The following FAM81A variants were observed in gnomAD, a reference collection of about 807,000 sequenced individuals.
FAM81A encodes protein FAM81A.
A neutral mutation model predicts 46.7 loss-of-function variants in FAM81A; 19 were observed. The observed-to-expected ratio is 0.41, with a 90% confidence interval of 0.28 to 0.60. The LOEUF (loss-of-function observed/expected upper bound fraction) is 0.60, where lower values mean the gene tolerates loss of function less well. FAM81A is among the 20% of genes least tolerant of loss of function. FAM81A has a pLI of 0.34. For missense variants in FAM81A, 377 were observed against 453.5 expected, an observed-to-expected ratio of 0.83 and a Z score of 1.53; for synonymous variants, 183 against 152.9, an observed-to-expected ratio of 1.20 and a Z score of -1.45.
chr15:59,518,867 T>C (rs2082295429), intron 8 of FAM81A, among the ~76,000 whole-genome samples: 3 of 152,016 alleles, frequency 2.0e-5, no homozygotes, highest in African/African-American at 7.2e-5. Context: ...TTGATATATA[T>C]ATACATAGTG....
At chr15:59,409,211 C>T (rs2081109711) in intron 2 of FAM81A, among the ~76,000 whole-genome samples, 1 of 152,080 alleles carries the variant, frequency 6.6e-6, no homozygotes, top group Non-Finnish European at 1.5e-5. Flanking sequence ...TTTGTTTCTA[C>T]TCCAGGTCTG....
At chr15:59,409,316 C>A (rs1158858860) in intron 2 of FAM81A, among the ~76,000 whole-genome samples, 1 of 152,142 alleles carries the variant, frequency 6.6e-6, no homozygotes, top group Non-Finnish European at 1.5e-5. Flanking sequence ...CAGAAGTTAC[C>A]GCCCCAAACC....
intron 3 of FAM81A, among the ~76,000 whole-genome samples, chr15:59,466,974 C>T (rs1240294607): frequency 7.9e-5 from 12 of 151,988 alleles, no homozygotes; most frequent in African/African-American, 2.9e-4. Flanking sequence ...GTCCTTTCCC[C>T]ATTTCTTGTT....
At chr15:59,477,532 T>G (rs1456730676) in intron 3 of FAM81A, among the ~76,000 whole-genome samples, 1 of 152,218 alleles carries the variant, frequency 6.6e-6, no homozygotes, top group Non-Finnish European at 1.5e-5. Context: ...TTTATGATTT[T>G]CTGTCATGTG....
intron 2 of FAM81A, among the ~76,000 whole-genome samples, chr15:59,414,505 A>G (rs2141543269): frequency 6.6e-6 from 1 of 152,280 alleles, no homozygotes; most frequent in South Asian, 2.1e-4. Flanking sequence ...TATGTAGGCA[A>G]TTTAGGAGAG....
intron 1 of FAM81A, among the ~76,000 whole-genome samples, chr15:59,441,286 G>T (rs1283716137): frequency 6.6e-6 from 1 of 152,142 alleles, no homozygotes; most frequent in Middle Eastern, 3.2e-3. Context: ...AGAAACTCTG[G>T]TGGGGTCCTC....
intron 6 of FAM81A, among the ~76,000 whole-genome samples, chr15:59,510,139 A>G (rs2082189979): frequency 6.6e-6 from 1 of 152,176 alleles, no homozygotes; most frequent in Admixed American, 6.5e-5. Flanking sequence ...GCCAAGGCAG[A>G]TGGATCACCT....
chr15:59,401,972 A>G (rs1465073231), intron 1 of FAM81A: 1 of 709,294 alleles, frequency 1.4e-6, no homozygotes, highest in Non-Finnish European at 2.6e-6. Context: ...CATGGTGTTT[A>G]CAGTGTAATT....
At chr15:59,435,806 A>G (rs1262323583), upstream of FAM81A, among the ~76,000 whole-genome samples, 1 of 152,192 alleles carries the variant, frequency 6.6e-6, no homozygotes, top group African/African-American at 2.4e-5. Context: ...TGGCTTTTTA[A>G]TTGAAGTAAT....
intron 4 of FAM81A, among the ~76,000 whole-genome samples, chr15:59,500,651 G>A (rs2082081720): frequency 6.6e-6 from 1 of 150,830 alleles, no homozygotes; most frequent in African/African-American, 2.4e-5. Flanking sequence ...ATTTACTGGT[G>A]TCTCATTTTT....
chr15:59,423,257 C>T (rs1358241521), intron 2 of FAM81A, among the ~76,000 whole-genome samples: 1 of 152,110 alleles, frequency 6.6e-6, no homozygotes, highest in East Asian at 1.9e-4. Flanking sequence ...CGCCAACACG[C>T]CTGGCTAATT....
intron 1 of FAM81A, among the ~76,000 whole-genome samples, chr15:59,450,794 A>G (rs190831191): frequency 3.9e-5 from 6 of 152,362 alleles, no homozygotes; most frequent in Non-Finnish European, 7.3e-5. Flanking sequence ...ATTTAGACTT[A>G]AAACTTAGAT....
intron 2 of FAM81A, among the ~76,000 whole-genome samples, chr15:59,421,373 G>T (rs1471197457): frequency 6.6e-6 from 1 of 152,166 alleles, no homozygotes; most frequent in Non-Finnish European, 1.5e-5. Context: ...TGCTTTAAAG[G>T]CAGGACAACC....
At chr15:59,421,774 T>C (rs62015051) in intron 2 of FAM81A, among the ~76,000 whole-genome samples, 15 of 137,924 alleles carry the variant, frequency 1.1e-4, no homozygotes, top group African/African-American at 2.5e-4. Context: ...TATCTATCTA[T>C]CTATCTATCT....
intron 1 of FAM81A, among the ~76,000 whole-genome samples, chr15:59,440,877 A>G (rs774020051): frequency 6.6e-6 from 1 of 152,086 alleles, no homozygotes; most frequent in Non-Finnish European, 1.5e-5. Context: ...TCCTCAATCC[A>G]AAATCACCCC....
intron 2 of FAM81A, among the ~76,000 whole-genome samples, chr15:59,430,893 C>G (rs1439845486): frequency 4.4e-4 from 67 of 151,876 alleles, no homozygotes; most frequent in Non-Finnish European, 1.0e-4. Context: ...TTAACAAACT[C>G]TGTCTCCCTG....
At chr15:59,495,796 C>G (rs1407542734) in intron 4 of FAM81A, among the ~76,000 whole-genome samples, 19 of 152,186 alleles carry the variant, frequency 1.2e-4, no homozygotes, top group African/African-American at 4.3e-4. Context: ...AATGTGCTTG[C>G]TCGTCATTGG....
chr15:59,469,300 GAC>G (rs1294684638), intron 3 of FAM81A, among the ~76,000 whole-genome samples: 1 of 152,144 alleles, frequency 6.6e-6, no homozygotes, highest in East Asian at 1.9e-4. Flanking sequence ...GTCTAATATT[GAC>G]AGTGGGGTGT....
intron 3 of FAM81A, among the ~76,000 whole-genome samples, chr15:59,465,728 G>A (rs1306343629): frequency 2.0e-5 from 3 of 151,848 alleles, no homozygotes; most frequent in Non-Finnish European, 2.9e-5. Context: ...TAAGTTTTAG[G>A]GTACATGCGC....
Sources: gnomAD v4.1 joint callset for allele counts (sites outside exome capture counted in the v4.1 genomes callset) on GRCh38, gnomAD v4.1.1 for gene constraint, MANE v1.5 for transcripts, NCBI Gene and HGNC (gene_info 2026-07-23, HGNC 2026-07-21) for gene names.